Variants in GPR141 observed in about 807,000 individuals in gnomAD.
GPR141 encodes G protein-coupled receptor 141.
In GPR141, 6 loss-of-function variants were observed where a neutral mutation model predicts 6.8. The ratio of observed to expected loss-of-function variants is 0.88; its 90% confidence interval spans 0.48 to 1.74. GPR141 has a LOEUF of 1.74. GPR141 is among the 40% of genes most tolerant of loss of function. The pLI is 0.01. For missense variants in GPR141, 372 were observed against 372.9 expected (o/e 1.00, Z 0.02); for synonymous variants, 140 against 142.3 (o/e 0.98, Z 0.11).
chr7:37,723,463 A>G (rs1257082904), intron 2 of GPR141, among the ~76,000 whole-genome samples: 4 of 152,088 alleles, frequency 2.6e-5, no homozygotes, highest in African/African-American at 9.7e-5. Flanking sequence ...GCAGATAGTG[A>G]AATGCCTGAA....
intron 2 of GPR141, among the ~76,000 whole-genome samples, chr7:37,727,045 G>A (rs1022941501): frequency 1.3e-5 from 2 of 152,132 alleles, no homozygotes; most frequent in Non-Finnish European, 2.9e-5. Flanking sequence ...GTATGTCTGG[G>A]GCACAGTTCA....
chr7:37,709,635 C>T (rs1273840745), intron 2 of GPR141: 1 of 152,192 alleles, frequency 6.6e-6, no homozygotes, highest in Non-Finnish European at 1.5e-5. Context: ...TTTTAATTCA[C>T]CAATTTTATA....
chr7:37,703,619 G>A (rs1810392626), intron 2 of GPR141, among the ~76,000 whole-genome samples: 1 of 152,098 alleles, frequency 6.6e-6, no homozygotes, highest in Non-Finnish European at 1.5e-5. Flanking sequence ...ACTCTTAGTT[G>A]GTATATAAAT....
intron 2 of GPR141, among the ~76,000 whole-genome samples, chr7:37,733,336 G>T (rs1485482743): frequency 6.6e-6 from 1 of 152,160 alleles, no homozygotes; most frequent in Non-Finnish European, 1.5e-5. Context: ...ATGGTGACTT[G>T]TCCCAGCAAA....
intron 2 of GPR141, among the ~76,000 whole-genome samples, chr7:37,687,050 G>A (rs528214819): frequency 6.6e-6 from 1 of 152,172 alleles, no homozygotes; most frequent in South Asian, 2.1e-4. Flanking sequence ...CAAAAGTCAA[G>A]TCTGGTAGAA....
chr7:37,716,423 A>T (rs1811054047), intron 2 of GPR141, among the ~76,000 whole-genome samples: 1 of 152,210 alleles, frequency 6.6e-6, no homozygotes, highest in Admixed American at 6.5e-5. Context: ...AGGGGTACTT[A>T]GGAATTTTTT....
intron 2 of GPR141, among the ~76,000 whole-genome samples, chr7:37,686,682 G>A (rs1809529968): frequency 6.6e-6 from 1 of 152,118 alleles, no homozygotes; most frequent in African/African-American, 2.4e-5. Context: ...AGATAGTGAA[G>A]GCTTGGAACT....
intron 2 of GPR141, among the ~76,000 whole-genome samples, chr7:37,729,747 A>G (rs1306633616): frequency 6.6e-6 from 1 of 152,204 alleles, no homozygotes; most frequent in African/African-American, 2.4e-5. Context: ...GAGTGGGGGT[A>G]ATATTTTGGG....
At chr7:37,698,361 T>G (rs1810120686) in intron 2 of GPR141, among the ~76,000 whole-genome samples, 1 of 152,204 alleles carries the variant, frequency 6.6e-6, no homozygotes, top group Non-Finnish European at 1.5e-5. Flanking sequence ...TTATAACATC[T>G]ATAAATAAAA....
At chr7:37,722,263 C>T (rs1164732188) in intron 2 of GPR141, among the ~76,000 whole-genome samples, 1 of 152,122 alleles carries the variant, frequency 6.6e-6, no homozygotes, top group East Asian at 1.9e-4. Flanking sequence ...TTGGAGACAT[C>T]CACTTGATGA....
intron 2 of GPR141, among the ~76,000 whole-genome samples, chr7:37,712,970 A>G (rs1442441973): frequency 6.6e-6 from 1 of 152,186 alleles, no homozygotes; most frequent in Non-Finnish European, 1.5e-5. Context: ...ACCAGGGGCT[A>G]GCCCAGCATG....
Position 37,740,799 on chromosome 7 carries a change from A to G in GPR141, c.406A>G (p.Ser136Gly). ...CAGAAAACTGCATGCTGTGGCTGCC[A>G]GTGCTGGCATGTGGACGCTGGTGAT... ...FYRKLHAVAA[S>G]AGMWTLVIVI... Residue 136 changes from serine to glycine, a missense_variant, in exon 3 of 3, where the codon AGT becomes GGT. Coordinates refer to ENST00000334425, the MANE Select transcript of GPR141 (RefSeq NM_001381946.1). 4 of 1,614,194 alleles carry G rather than the reference A, an allele frequency of 2.5e-6. No homozygotes were observed. The highest frequency in any genetic ancestry group is 2.2e-5 in the East Asian group (1 of 44,878).
intron 2 of GPR141, among the ~76,000 whole-genome samples, chr7:37,708,535 G>A (rs906498861): frequency 4.6e-5 from 7 of 152,040 alleles, no homozygotes; most frequent in Non-Finnish European, 8.8e-5. Context: ...AAATGAGTAC[G>A]CATCCTGTCT....
At chr7:37,707,356 C>G (rs1301719563) in intron 2 of GPR141, among the ~76,000 whole-genome samples, 1 of 152,140 alleles carries the variant, frequency 6.6e-6, no homozygotes, top group Admixed American at 6.6e-5. Context: ...ATATTCAAAT[C>G]AAGTGGTATA....
chr7:37,699,679 A>G lies in GPR141; in HGVS notation c.-15+14096A>G, dbSNP rs35167350. Among the ~76,000 whole-genome samples the G allele has an allele frequency of 9.3e-3, 1,411 of 152,348 alleles. 12 individuals carry two copies. Among genetic ancestry groups the G allele is most frequent in the Non-Finnish European group, 0.015 (1,030 of 68,030 alleles). On this transcript the variant is annotated intron_variant, in intron 2 of 2. Coordinates refer to ENST00000334425, the MANE Select transcript of GPR141 (RefSeq NM_001381946.1). Reference sequence around the variant, plus strand: ...AGTTTGCAAACTTTTTATCTAGATGATAAGTAAACAAGATCCCAAATGAAC... The same window carrying G: ...AGTTTGCAAACTTTTTATCTAGATGGTAAGTAAACAAGATCCCAAATGAAC...
At chr7:37,720,698 G>T (rs1016384988) in intron 2 of GPR141, among the ~76,000 whole-genome samples, 1 of 143,634 alleles carries the variant, frequency 7.0e-6, no homozygotes, top group South Asian at 2.2e-4. Context: ...CTGAGATTGC[G>T]CCACTGCACT....
At chr7:37,704,098 A>G (rs1215424516) in intron 2 of GPR141, among the ~76,000 whole-genome samples, 2 of 152,204 alleles carry the variant, frequency 1.3e-5, no homozygotes, top group Non-Finnish European at 2.9e-5. Context: ...CACTGATAGT[A>G]TAGATTCCTT....
intron 2 of GPR141, among the ~76,000 whole-genome samples, chr7:37,707,839 A>G (rs1278698376): frequency 6.6e-6 from 1 of 152,176 alleles, no homozygotes; most frequent in Non-Finnish European, 1.5e-5. Context: ...TCAGTTGACA[A>G]GGAAATACCA....
intron 2 of GPR141, among the ~76,000 whole-genome samples, chr7:37,688,479 A>G (rs1297620450): frequency 6.6e-6 from 1 of 152,186 alleles, no homozygotes; most frequent in East Asian, 1.9e-4. Context: ...ATGTAGTAAA[A>G]AGAGATATAA....
Sources: gnomAD v4.1 joint callset for allele counts (sites outside exome capture counted in the v4.1 genomes callset) on GRCh38, gnomAD v4.1.1 for gene constraint, MANE v1.5 for transcripts, NCBI Gene and HGNC (gene_info 2026-07-23, HGNC 2026-07-21) for gene names.